PCDHGA1: variants seen among roughly 807,000 people sequenced by gnomAD.
PCDHGA1 encodes protocadherin gamma-A1.
A neutral mutation model predicts 58.0 loss-of-function variants in PCDHGA1; 32 were observed. The observed-to-expected ratio is 0.55, with a 90% CI of 0.42 to 0.74. PCDHGA1 has a LOEUF of 0.74. Ranked by LOEUF, PCDHGA1 falls within the 30% of genes least tolerant of loss-of-function variation. The pLI is 0.00. For missense variants in PCDHGA1, 1,205 were observed against 1,182.3 expected (o/e 1.02, Z -0.28); for synonymous variants, 498 against 501.1 (o/e 0.99, Z 0.08).
In PCDHGA1 at chr5:141,352,156, C is replaced by T. The variant is rs772470884; in HGVS notation, c.2421+19051C>T. ...CAGCGCGTGCCTTGGGCGACAGGGACGCGGCCCGCCAGCGCCTGCTGGTCG... is the reference window on the plus strand; with the variant it reads ...CAGCGCGTGCCTTGGGCGACAGGGATGCGGCCCGCCAGCGCCTGCTGGTCG... On this transcript the variant is annotated intron_variant, in intron 1 of 3. Coordinates refer to ENST00000517417, the MANE Select transcript of PCDHGA1 (RefSeq NM_018912.3). 19 of 1,612,702 alleles carry T rather than the reference C, an allele frequency of 1.2e-5. No individual in the cohort carries two copies. The South Asian group carries it at 2.1e-4, about 18-fold the overall frequency.
chr5:141,357,376 C>T (rs374725533), intron 1 of PCDHGA1: 7 of 1,614,092 alleles, frequency 4.3e-6, no homozygotes, highest in Non-Finnish European at 5.9e-6. Flanking sequence ...ACGCCTGCTT[C>T]ACGCTGAAGG....
rs534845593 is a variant in PCDHGA1, at chr5:141,478,216, G to A, written c.2422-16591G>A. On this transcript the variant is annotated intron_variant, in intron 1 of 3. Coordinates refer to ENST00000517417, the MANE Select transcript of PCDHGA1 (RefSeq NM_018912.3). ...TTTATCTACTTCTTTCTCTAATCCTGGTTTCTGTGGGGTTTGTGGTCACAG... is the reference window on the plus strand; with the variant it reads ...TTTATCTACTTCTTTCTCTAATCCTAGTTTCTGTGGGGTTTGTGGTCACAG... 414 of 1,614,090 alleles carry A rather than the reference G, an allele frequency of 2.6e-4. 9 individuals carry two copies. In the South Asian group the frequency reaches 4.4e-3, roughly 17 times the overall value.
Position 141,489,331 on chromosome 5 carries a change from C to G in PCDHGA1, c.2422-5476C>G. ...CTGCTGGGGCTGGGTGTCTGGGCAG[C>G]TTCGTTACTCAGTGGTGGAGGAGTC... On this transcript the variant is annotated intron_variant, in intron 1 of 3. Coordinates refer to ENST00000517417, the MANE Select transcript of PCDHGA1 (RefSeq NM_018912.3). The surrounding 1 kb of genome is among the most constrained non-coding windows in gnomAD (Gnocchi z 4.5). 1 of 1,605,478 alleles carries G rather than the reference C, an allele frequency of 6.2e-7. No homozygotes were observed. Among genetic ancestry groups the G allele is most frequent in the Non-Finnish European group, 8.5e-7 (1 of 1,174,878 alleles).
chr5:141,338,394 C>T (rs1373641339), intron 1 of PCDHGA1, among the ~76,000 whole-genome samples: 1 of 152,148 alleles, frequency 6.6e-6, no homozygotes, highest in Non-Finnish European at 1.5e-5. Flanking sequence ...TAGAAGAAAA[C>T]GTAGCTAACG....
In PCDHGA1 at chr5:141,332,189, C is replaced by A. The variant is rs775222709; in HGVS notation, c.1505C>A (p.Ser502Tyr). The A allele has an allele frequency of 3.7e-6, 6 of 1,614,250 alleles. No individual in the cohort carries two copies. The Admixed American group carries it at 1.0e-4, about 27-fold the overall frequency. Residue 502 changes from serine (S) to tyrosine (Y), a missense_variant, in exon 1 of 4, where the codon TCT becomes TAT. Transcript: ENST00000517417. This position sits in a 1 kb window ranked among gnomAD's most constrained non-coding sequence, Gnocchi z 4.6. ...IEDTIQGAPLSAYLSINSDTG... is the reference protein window; with the variant it reads ...IEDTIQGAPLYAYLSINSDTG... Reference sequence around the variant, plus strand: ...GACACTATCCAGGGGGCACCCCTATCTGCCTACCTCTCCATCAACTCCGAC... The same window carrying A: ...GACACTATCCAGGGGGCACCCCTATATGCCTACCTCTCCATCAACTCCGAC...
chr5:141,374,125 C>A, intron 1 of PCDHGA1: 1 of 1,602,448 alleles, frequency 6.2e-7, no homozygotes, highest in East Asian at 2.2e-5. Flanking sequence ...GCGAGCAGGT[C>A]CTGCTCCTCA....
chr5:141,431,093 G>A lies in PCDHGA1; in HGVS notation c.2422-63714G>A. 6.2e-7 allele frequency: 1 copy of A among 1,614,250 alleles called. No individual in the cohort carries two copies. The highest frequency in any genetic ancestry group is 8.5e-7 in the Non-Finnish European group (1 of 1,180,032). On this transcript the variant is annotated intron_variant, in intron 1 of 3. Transcript: ENST00000517417. The surrounding 1 kb of genome is among the most constrained non-coding windows in gnomAD (Gnocchi z 4.8). Reference sequence around the variant, plus strand: ...ATTAAATCTAGACATTCTGATGGAGGATAAAGTGAAAATATATGGAGTAGA... The same window carrying A: ...ATTAAATCTAGACATTCTGATGGAGAATAAAGTGAAAATATATGGAGTAGA...
chr5:141,478,549 A>G lies in PCDHGA1; in HGVS notation c.2422-16258A>G, dbSNP rs369095515. 8 of 1,602,904 alleles carry G rather than the reference A, an allele frequency of 5.0e-6. No individual in the cohort carries two copies. In the African/African-American group the frequency reaches 1.1e-4, roughly 21 times the overall value. On this transcript the variant is annotated intron_variant, in intron 1 of 3. Coordinates refer to ENST00000517417, the MANE Select transcript of PCDHGA1 (RefSeq NM_018912.3). ...CAGAGAGCGCCCCTCCCGGACAGGT[A>G]AGGTTTAGCAAGTCATGCTTGACCC...
intron 1 of PCDHGA1, chr5:141,355,783 G>C: frequency 6.2e-7 from 1 of 1,613,802 alleles, no homozygotes; most frequent in Non-Finnish European, 8.5e-7. Context: ...CCCAGAGCTG[G>C]TGCTGGAACG....
chr5:141,333,622 T>A (rs1441564489), intron 1 of PCDHGA1: 1 of 166,026 alleles, frequency 6.0e-6, no homozygotes, highest in East Asian at 1.7e-4. Context: ...GTTGTGTTCA[T>A]ATAAGATTAT....
intron 1 of PCDHGA1, chr5:141,417,742 G>A: frequency 7.0e-7 from 1 of 1,418,808 alleles, no homozygotes. Flanking sequence ...CAGCACACCA[G>A]ATTGCCAGCT....
Position 141,332,571 on chromosome 5 carries a change from G to T in PCDHGA1, c.1887G>T (p.Ala629=), listed in dbSNP as rs1756415149. ...VGLHTGEVRT[A]RALLDRDALK... ...TGCACACGGGCGAGGTGCGCACGGC[G>T]CGAGCCCTGCTGGACAGAGACGCGC... Residue 629 remains alanine (A), a synonymous_variant, in exon 1 of 4, where the codon GCG becomes GCT. Transcript: ENST00000517417. The surrounding 1 kb of genome is among the most constrained non-coding windows in gnomAD (Gnocchi z 4.6). 2 of 1,612,456 alleles carry T rather than the reference G, an allele frequency of 1.2e-6. No homozygotes were observed.
At chr5:141,482,382 T>C (rs935517099) in intron 1 of PCDHGA1, among the ~76,000 whole-genome samples, 1 of 152,146 alleles carries the variant, frequency 6.6e-6, no homozygotes, top group Admixed American at 6.6e-5. Context: ...ATAAAGTCCC[T>C]GTATGGAGCA....
chr5:141,345,216 GA>G, intron 1 of PCDHGA1: 1 of 1,613,940 alleles, frequency 6.2e-7, no homozygotes, highest in Non-Finnish European at 8.5e-7. Context: ...ATTTAAGTTA[GA>G]AAAATCAATA....
intron 1 of PCDHGA1, chr5:141,415,493 T>C (rs1312874620): frequency 6.2e-7 from 1 of 1,614,108 alleles, no homozygotes; most frequent in Non-Finnish European, 8.5e-7. Context: ...AGTCACCTGA[T>C]CTTCCCCCAG....
At position 141,431,698 on chromosome 5, in the gene PCDHGA1, AT is replaced by A. The variant is rs2097408637; in HGVS notation, c.2422-63107del. ...GGGAGTTGGACCACGAGGAGTCAGG[AT>A]TCTACCAGATGGAAGTGCAAGCAAT... On this transcript the variant is annotated intron_variant, in intron 1 of 3. Coordinates refer to ENST00000517417, the MANE Select transcript of PCDHGA1 (RefSeq NM_018912.3). The surrounding 1 kb of genome is among the most constrained non-coding windows in gnomAD (Gnocchi z 4.8). 4.3e-6 allele frequency: 7 copies of A among 1,614,104 alleles called. 1 individual carries two copies. The South Asian group carries it at 7.7e-5, about 18-fold the overall frequency.
chr5:141,338,824 C>T (rs1756781957), intron 1 of PCDHGA1: 1 of 1,388,648 alleles, frequency 7.2e-7, no homozygotes, highest in Non-Finnish European at 9.3e-7. Flanking sequence ...TTCAGGACAC[C>T]AAAGAAATTC....
At chr5:141,503,598 CAAAAAAAAAAAA>C (rs765754054) in intron 2 of PCDHGA1, among the ~76,000 whole-genome samples, 11 of 65,762 alleles carry the variant, frequency 1.7e-4, no homozygotes, top group Admixed American at 3.4e-4. Context: ...GACTCCAGCT[CAAAAAAAAAAAA>C]AAAAGAAAAA....
chr5:141,404,680 G>C, intron 1 of PCDHGA1: 1 of 1,614,160 alleles, frequency 6.2e-7, no homozygotes, highest in East Asian at 2.2e-5. Context: ...CTGGTGTGGA[G>C]CTGGCACCCC....
Sources: allele counts gnomAD v4.1 joint callset (sites outside exome capture counted in the v4.1 genomes callset), GRCh38; gene constraint gnomAD v4.1.1; non-coding constraint Gnocchi (gnomAD v3.1); transcripts MANE v1.5; gene names NCBI Gene and HGNC (gene_info 2026-07-23, HGNC 2026-07-21).